Variants in DAB1 observed in about 807,000 individuals in gnomAD.
The protein encoded by DAB1 is DAB adaptor protein 1, also known as disabled homolog 1.
A neutral mutation model predicts 64.6 loss-of-function variants in DAB1; 15 were observed. The ratio of observed to expected loss-of-function variants is 0.23; its 90% CI spans 0.16 to 0.36. The LOEUF (loss-of-function observed/expected upper bound fraction) is 0.36, where lower values mean the gene tolerates loss of function less well. Among genes scored for constraint, DAB1 ranks in the 10% least tolerant of loss-of-function variants. DAB1 has a pLI of 1.00. For missense variants in DAB1, 596 were observed against 706.7 expected, an observed-to-expected ratio of 0.84 and a Z score of 1.78; for synonymous variants, 235 against 251.9, an observed-to-expected ratio of 0.93 and a Z score of 0.64.
intron 5 of DAB1, among the ~76,000 whole-genome samples, chr1:57,958,817 G>A (rs959632230): frequency 6.6e-6 from 1 of 152,046 alleles, no homozygotes; most frequent in African/African-American, 2.4e-5. Context: ...TTCCTTCTAT[G>A]CTTTTCTCTC....
intron 6 of DAB1, among the ~76,000 whole-genome samples, chr1:57,670,064 T>C (rs1309149727): frequency 1.3e-5 from 2 of 152,294 alleles, no homozygotes; most frequent in East Asian, 3.9e-4. Context: ...TATATTTATT[T>C]CACAGTTCAG....
chr1:57,591,650 T>C (rs984521094), intron 7 of DAB1, among the ~76,000 whole-genome samples: 1 of 152,258 alleles, frequency 6.6e-6, no homozygotes, highest in Non-Finnish European at 1.5e-5. Flanking sequence ...ATGGGGTTGA[T>C]AATATCTACT....
At chr1:58,029,573 A>G (rs1031739211) in intron 5 of DAB1, among the ~76,000 whole-genome samples, 2 of 152,268 alleles carry the variant, frequency 1.3e-5, no homozygotes, top group Non-Finnish European at 2.9e-5. Context: ...CTCATCCAAC[A>G]TAGAATTTGA....
intron 4 of DAB1, among the ~76,000 whole-genome samples, chr1:57,073,512 C>T (rs748516194): frequency 2.4e-4 from 36 of 152,134 alleles, no homozygotes; most frequent in South Asian, 6.2e-4. Flanking sequence ...TTGAAACAAT[C>T]CTCATTCAAC....
At chr1:57,847,293 A>G (rs1653332529) in intron 1 of DAB1, among the ~76,000 whole-genome samples, 1 of 152,036 alleles carries the variant, frequency 6.6e-6, no homozygotes, top group Non-Finnish European at 1.5e-5. Context: ...AAAAAAAACT[A>G]CAAAGATAAG....
intron 5 of DAB1, among the ~76,000 whole-genome samples, chr1:58,127,273 G>C (rs1286793007): frequency 6.6e-6 from 1 of 152,184 alleles, no homozygotes. Context: ...AGAAGTGTCT[G>C]TTCATGTTCC....
chr1:58,048,827 G>A (rs1647423989), intron 5 of DAB1: 1 of 1,036,844 alleles, frequency 9.6e-7, no homozygotes, highest in Non-Finnish European at 1.5e-6. Flanking sequence ...ACGGAATCAT[G>A]GTTGTCAAAG....
Position 57,764,293 on chromosome 1 carries a change from T to C in DAB1, n.552-114628A>G, listed in dbSNP as rs866079336. The stretch of plus-strand genomic sequence containing the variant: ...TTTAGTTTTTTCCTTTTTGTTTTAA[T>C]TCTCCTTTTTTAATTAACACACAAT... On this transcript the variant is annotated intron_variant and non_coding_transcript_variant, in intron 6 of 20. Coordinates refer to the DAB1 transcript ENST00000485760. Among the ~76,000 whole-genome samples, 12 of 152,286 alleles carry C rather than the reference T, an allele frequency of 7.9e-5. 1 individual carries two copies. In the Middle Eastern group the frequency reaches 0.01, roughly 129 times the overall value.
At position 57,152,436 on chromosome 1, in the gene DAB1, A is replaced by T. The variant is rs375582666; in HGVS notation, c.68-7007T>A. Reference sequence around the variant, plus strand: ...CCGAGAATTGAATTTTCAATGTAGCACTGATTTGAATTCCAAAGGAGGAAG... The same window carrying T: ...CCGAGAATTGAATTTTCAATGTAGCTCTGATTTGAATTCCAAAGGAGGAAG... On this transcript the variant is annotated intron_variant, in intron 2 of 14. Coordinates refer to ENST00000371236, the MANE Select transcript of DAB1 (RefSeq NM_001365792.1). 3.4e-4 allele frequency among the ~76,000 whole-genome samples: 52 copies of T among 152,352 alleles called. 2 individuals are homozygous for T. The South Asian group carries it at 0.01, about 30-fold the overall frequency.
intron 5 of DAB1, among the ~76,000 whole-genome samples, chr1:58,052,445 T>G (rs1170776106): frequency 6.6e-6 from 1 of 152,228 alleles, no homozygotes; most frequent in East Asian, 1.9e-4. Context: ...TTGGCTACTG[T>G]AGCCTTGTAG....
rs143970193 is a variant in DAB1 at position 57,084,011 on chromosome 1, T to C, written c.307-11597A>G. ...GTTGTTTAGTAAATGGGAGTTGCTCTCCAGCTCAAATATTCTGCTATCCAA... is the reference window on the plus strand; with the variant it reads ...GTTGTTTAGTAAATGGGAGTTGCTCCCCAGCTCAAATATTCTGCTATCCAA... On this transcript the variant is annotated intron_variant, in intron 4 of 14. Coordinates refer to ENST00000371236, the MANE Select transcript of DAB1 (RefSeq NM_001365792.1). Among the ~76,000 whole-genome samples, 110 of 152,352 alleles carry C rather than the reference T, an allele frequency of 7.2e-4. 1 individual carries two copies. The highest frequency in any genetic ancestry group is 1.3e-3 in the Non-Finnish European group (90 of 68,032).
intron 5 of DAB1, among the ~76,000 whole-genome samples, chr1:58,123,434 T>C (rs1570382109): frequency 1.3e-5 from 2 of 152,082 alleles, no homozygotes; most frequent in East Asian, 1.9e-4. Flanking sequence ...TTCCAATTGG[T>C]GATGGGGGCA....
chr1:57,379,196 C>T (rs990399901), intron 1 of DAB1, among the ~76,000 whole-genome samples: 1 of 152,076 alleles, frequency 6.6e-6, no homozygotes, highest in East Asian at 1.9e-4. Context: ...TTTCCTATTT[C>T]GTACATTGAA....
intron 4 of DAB1, among the ~76,000 whole-genome samples, chr1:58,153,794 G>A (rs556180918): frequency 6.7e-5 from 10 of 149,822 alleles, no homozygotes; most frequent in Non-Finnish European, 1.2e-4. Context: ...GTGTTAACCC[G>A]TCCTGTCATG....
At chr1:57,840,302 A>C (rs1032991241) in intron 1 of DAB1, among the ~76,000 whole-genome samples, 31 of 152,210 alleles carry the variant, frequency 2.0e-4, no homozygotes, top group African/African-American at 7.2e-4. Context: ...GCTAAAGCTA[A>C]AAGGATATAG....
intron 4 of DAB1, among the ~76,000 whole-genome samples, chr1:58,174,473 C>T (rs1385669349): frequency 6.6e-6 from 1 of 152,196 alleles, no homozygotes; most frequent in Non-Finnish European, 1.5e-5. Context: ...TCTGACTGAC[C>T]TAAAGAGTTC....
intron 7 of DAB1, among the ~76,000 whole-genome samples, chr1:57,619,053 CT>C (rs1427953341): frequency 6.6e-6 from 1 of 152,164 alleles, no homozygotes; most frequent in Non-Finnish European, 1.5e-5. Context: ...GTAGGTGTTT[CT>C]AAGCAAACAA....
At chr1:58,263,024 AT>A (rs1462158254) in intron 4 of DAB1, among the ~76,000 whole-genome samples, 1 of 152,216 alleles carries the variant, frequency 6.6e-6, no homozygotes, top group African/African-American at 2.4e-5. Context: ...AGCCACCTAG[AT>A]TTCTGGAATG....
chr1:57,799,562 GAAAA>G (rs10718933), intron 6 of DAB1, among the ~76,000 whole-genome samples: 1 of 123,772 alleles, frequency 8.1e-6, no homozygotes. Context: ...TTTGAGATGA[GAAAA>G]AAAAAAAAAA....
Sources: allele counts gnomAD v4.1 joint callset (sites outside exome capture counted in the v4.1 genomes callset), GRCh38; gene constraint gnomAD v4.1.1; transcripts MANE v1.5; gene names NCBI Gene and HGNC (gene_info 2026-07-23, HGNC 2026-07-21).